The following PCDHGB6 variants were observed in gnomAD, a reference collection of about 807,000 sequenced individuals.
PCDHGB6 encodes the protein protocadherin gamma subfamily B, 6, also known as protocadherin gamma-B6.
A neutral mutation model predicts 59.1 loss-of-function variants in PCDHGB6; 51 were observed. The ratio of observed to expected loss-of-function variants is 0.86; its 90% CI spans 0.69 to 1.09. The LOEUF (loss-of-function observed/expected upper bound fraction) is 1.09, where lower values mean the gene tolerates loss of function less well. PCDHGB6 is among the 50% of genes least tolerant of loss of function. The pLI is 0.00. For synonymous variants in PCDHGB6, 466 were observed against 495.1 expected, an observed-to-expected ratio of 0.94 and a Z score of 0.78; for missense variants, 1,148 against 1,205.1, an observed-to-expected ratio of 0.95 and a Z score of 0.70.
At position 141,511,211 on chromosome 5, in the gene PCDHGB6, C is replaced by G; in HGVS notation, c.*38C>G. ...GCCAAGAGCCACAGGGCGGCCTCTC[C>G]CCAACCAGCCCAGCTTCTCCTTACC... On this transcript the variant is annotated 3_prime_UTR_variant, in exon 4 of 4. Transcript: ENST00000520790. The G allele has an allele frequency of 6.2e-7, 1 of 1,608,626 alleles. No individual in the cohort carries two copies. The highest frequency in any genetic ancestry group is 8.5e-7 in the Non-Finnish European group (1 of 1,177,476).
chr5:141,478,549 A>G lies in PCDHGB6; in HGVS notation c.2419-16258A>G, dbSNP rs369095515. 8 of 1,602,904 alleles carry G rather than the reference A, an allele frequency of 5.0e-6. No individual in the cohort carries two copies. In the African/African-American group the frequency reaches 1.1e-4, roughly 21 times the overall value. On this transcript the variant is annotated intron_variant, in intron 1 of 3. Coordinates refer to ENST00000520790, the MANE Select transcript of PCDHGB6 (RefSeq NM_018926.3). ...CAGAGAGCGCCCCTCCCGGACAGGT[A>G]AGGTTTAGCAAGTCATGCTTGACCC...
rs759346998 is a variant in PCDHGB6 at position 141,410,849 on chromosome 5, C to CTTTTTTTTTTTTT, written c.2418+239_2418+251dup. 1.9e-3 allele frequency: 267 copies of CTTTTTTTTTTTTT among 138,158 alleles called. 27 individuals carry two copies. The highest frequency in any genetic ancestry group is 5.5e-3 in the African/African-American group (91 of 16,622). 8.6% of individuals were successfully genotyped at this position (138,158 alleles called of 1,614,324 possible). A position where few individuals can be genotyped will look rare whatever the true frequency, so the allele number is the denominator to read the frequency against. ...CAGACTGAAGATATTTTGTCTTTGT[C>CTTTTTTTTTTTTT]TTTTTTTTTTTTTTTTTTTTTTGAG... On this transcript the variant is annotated intron_variant, in intron 1 of 3. Coordinates refer to ENST00000520790, the MANE Select transcript of PCDHGB6 (RefSeq NM_018926.3).
At chr5:141,494,064 G>T (rs1233070772) in intron 1 of PCDHGB6, among the ~76,000 whole-genome samples, 2 of 152,160 alleles carry the variant, frequency 1.3e-5, no homozygotes, top group South Asian at 2.1e-4. Flanking sequence ...TGTGGGAGCT[G>T]GATCCCTCCC....
intron 1 of PCDHGB6, among the ~76,000 whole-genome samples, chr5:141,444,400 A>G (rs1400847351): frequency 1.3e-5 from 2 of 151,536 alleles, no homozygotes; most frequent in Admixed American, 6.6e-5. Flanking sequence ...TGAACTCCCA[A>G]CCTCAGGTGA....
chr5:141,464,824 G>A (rs1329087889), intron 1 of PCDHGB6, among the ~76,000 whole-genome samples: 2 of 151,816 alleles, frequency 1.3e-5, no homozygotes, highest in African/African-American at 2.4e-5. Context: ...CTGTAGCCTC[G>A]CACTCCTGGG....
Position 141,432,226 on chromosome 5 carries a change from T to C in PCDHGB6, c.2418+21606T>C. On this transcript the variant is annotated intron_variant, in intron 1 of 3. Coordinates refer to ENST00000520790, the MANE Select transcript of PCDHGB6 (RefSeq NM_018926.3). The surrounding 1 kb of genome is among the most constrained non-coding windows in gnomAD (Gnocchi z 6.0). ...GTGAAGAGAACGCCCAGATCACTTATTCCCTGGCTGAGAACACCATCCAAG... is the reference window on the plus strand; with the variant it reads ...GTGAAGAGAACGCCCAGATCACTTACTCCCTGGCTGAGAACACCATCCAAG... 4 of 1,614,198 alleles carry C rather than the reference T, an allele frequency of 2.5e-6. No individual in the cohort carries two copies. The highest frequency in any genetic ancestry group is 3.4e-6 in the Non-Finnish European group (4 of 1,180,028).
chr5:141,408,220 G>T lies in PCDHGB6; in HGVS notation c.18G>T (p.Ala6=). MGGSC[A]QRRRAGPRQV... ...AGCGAACGATGGGAGGGAGCTGCGC[G>T]CAGAGGCGCCGGGCCGGCCCGCGGC... Residue 6 remains alanine (A), a synonymous_variant, in exon 1 of 4, where the codon GCG becomes GCT. Coordinates refer to ENST00000520790, the MANE Select transcript of PCDHGB6 (RefSeq NM_018926.3). The T allele has an allele frequency of 6.4e-7, 1 of 1,558,994 alleles. No homozygotes were observed. The highest frequency in any genetic ancestry group is 1.9e-5 in the Admixed American group (1 of 51,384).
At chr5:141,510,810 A>G (rs1455434913) in intron 3 of PCDHGB6, 137 bp from the exon 4 acceptor site, 19 of 1,519,650 alleles carry the variant, frequency 1.3e-5, no homozygotes, top group Admixed American at 2.0e-5. Flanking sequence ...TACCTTGGTG[A>G]CCCCTATATT....
At chr5:141,436,738 G>T (rs1207400781) in intron 1 of PCDHGB6, among the ~76,000 whole-genome samples, 2 of 152,306 alleles carry the variant, frequency 1.3e-5, no homozygotes, top group South Asian at 2.1e-4. Context: ...AATGATTTTT[G>T]TGTGCTTCTC....
intron 1 of PCDHGB6, among the ~76,000 whole-genome samples, chr5:141,472,718 G>A (rs980710833): frequency 1.3e-5 from 2 of 152,002 alleles, no homozygotes; most frequent in Non-Finnish European, 2.9e-5. Context: ...AGGCGCTGTG[G>A]CTCACACCTG....
chr5:141,435,104 G>A (rs1009839042), intron 1 of PCDHGB6, among the ~76,000 whole-genome samples: 1 of 151,968 alleles, frequency 6.6e-6, no homozygotes, highest in Non-Finnish European at 1.5e-5. Flanking sequence ...TTATCTAGGG[G>A]GGAGAAATCT....
chr5:141,455,542 C>T (rs2154565110), intron 1 of PCDHGB6, among the ~76,000 whole-genome samples: 1 of 152,246 alleles, frequency 6.6e-6, no homozygotes, highest in African/African-American at 2.4e-5. Flanking sequence ...ATATCATTCA[C>T]GTAGCCCGAG....
intron 1 of PCDHGB6, among the ~76,000 whole-genome samples, chr5:141,443,656 A>G (rs139300845): frequency 1.3e-5 from 2 of 152,374 alleles, no homozygotes; most frequent in East Asian, 3.8e-4. Flanking sequence ...TTAGCATAGC[A>G]TTTTACTGAA....
chr5:141,453,931 G>T (rs61228273), intron 1 of PCDHGB6, among the ~76,000 whole-genome samples: 2 of 152,306 alleles, frequency 1.3e-5, no homozygotes, highest in African/African-American at 4.8e-5. Flanking sequence ...GTCACTGTGT[G>T]CCTATAATTT....
intron 1 of PCDHGB6, among the ~76,000 whole-genome samples, chr5:141,483,575 A>G (rs1165739266): frequency 6.6e-6 from 1 of 152,194 alleles, no homozygotes; most frequent in Non-Finnish European, 1.5e-5. Flanking sequence ...GAATTCTGGC[A>G]TAAACACCTA....
intron 2 of PCDHGB6, among the ~76,000 whole-genome samples, chr5:141,502,845 T>G (rs2099816267): frequency 6.8e-6 from 1 of 147,606 alleles, no homozygotes; most frequent in South Asian, 2.1e-4. Context: ...CTGGCTGAGC[T>G]GCCTAACCCT....
intron 2 of PCDHGB6, 76 bp from the exon 3 acceptor site, chr5:141,505,317 G>T: frequency 6.2e-7 from 1 of 1,603,092 alleles, no homozygotes. Flanking sequence ...AGGTTTGGGA[G>T]CCCTGGGAGA....
At chr5:141,415,396 G>C (rs11575962) in intron 1 of PCDHGB6, 2 of 1,614,204 alleles carry the variant, frequency 1.2e-6, no homozygotes, top group Non-Finnish European at 1.7e-6. Flanking sequence ...AGGTGTGTCC[G>C]GCTCGCACTT....
chr5:141,436,859 A>T (rs550974791), intron 1 of PCDHGB6, among the ~76,000 whole-genome samples: 1 of 152,250 alleles, frequency 6.6e-6, no homozygotes, highest in Non-Finnish European at 1.5e-5. Flanking sequence ...TTGAGAAGCC[A>T]CAGTTTTAGG....
Sources: gnomAD v4.1 joint callset for allele counts (sites outside exome capture counted in the v4.1 genomes callset) on GRCh38, gnomAD v4.1.1 for gene constraint, Gnocchi (gnomAD v3.1) non-coding constraint, MANE v1.5 for transcripts, NCBI Gene and HGNC (gene_info 2026-07-23, HGNC 2026-07-21) for gene names.